The following PEBP4 variants were observed in gnomAD, a reference collection of about 807,000 sequenced individuals.
PEBP4 encodes the protein phosphatidylethanolamine binding protein 4, also known as phosphatidylethanolamine-binding protein 4.
In PEBP4, 22 loss-of-function variants were observed where a neutral mutation model predicts 23.9. The ratio of observed to expected loss-of-function variants is 0.92; its 90% CI spans 0.66 to 1.31. The LOEUF is 1.31. PEBP4 is among the 40% of genes most tolerant of loss of function. The pLI, the probability that PEBP4 is intolerant of heterozygous loss-of-function variation, is 0.00. For synonymous variants in PEBP4, 112 were observed against 99.3 expected, an observed-to-expected ratio of 1.13 and a Z score of -0.76; for missense variants, 324 against 281.7, an observed-to-expected ratio of 1.15 and a Z score of -1.07.
At chr8:22,807,859 C>A (rs1285317508) in intron 4 of PEBP4, among the ~76,000 whole-genome samples, 1 of 146,568 alleles carries the variant, frequency 6.8e-6, no homozygotes, top group African/African-American at 2.5e-5. Flanking sequence ...CACCCACCCA[C>A]CTACCCAACC....
chr8:22,909,825 G>C (rs764314270), intron 3 of PEBP4, among the ~76,000 whole-genome samples: 31 of 152,216 alleles, frequency 2.0e-4, no homozygotes, highest in Non-Finnish European at 3.8e-4. Flanking sequence ...TGGCTGCAAG[G>C]CTTAAGTCTG....
chr8:22,793,413 T>C (rs142324077), intron 4 of PEBP4, among the ~76,000 whole-genome samples: 2,219 of 150,230 alleles, frequency 0.015, 50 homozygotes, highest in African/African-American at 0.052. Flanking sequence ...ATTACAGGCA[T>C]GCACCACCAC....
intron 3 of PEBP4, among the ~76,000 whole-genome samples, chr8:22,844,237 T>C (rs1490654237): frequency 6.6e-6 from 1 of 152,010 alleles, no homozygotes; most frequent in Non-Finnish European, 1.5e-5. Context: ...GGTTAGAAAA[T>C]TTATTTATTT....
At chr8:22,852,301 C>T (rs1185897614) in intron 3 of PEBP4, among the ~76,000 whole-genome samples, 1 of 152,168 alleles carries the variant, frequency 6.6e-6, no homozygotes, top group Non-Finnish European at 1.5e-5. Context: ...GTTTCTTGTT[C>T]TTCTTTTTTT....
At chr8:22,912,994 G>T (rs1048147399) in intron 3 of PEBP4, among the ~76,000 whole-genome samples, 1 of 152,180 alleles carries the variant, frequency 6.6e-6, no homozygotes, top group Non-Finnish European at 1.5e-5. Context: ...CTCTGCCTCT[G>T]GGCCTCAAAC....
rs190543196 is a variant in PEBP4, at chr8:22,782,210, A to T, written c.357+35427T>A. Among the ~76,000 whole-genome samples the T allele has an allele frequency of 2.4e-4, 36 of 151,458 alleles. No individual in the cohort carries two copies. The East Asian group carries it at 4.1e-3, about 17-fold the overall frequency. ...ACAGAGACCAGATGGGCCCTAATACACTCCCCTTTAAAAGGCCACAATGTT... is the reference window on the plus strand; with the variant it reads ...ACAGAGACCAGATGGGCCCTAATACTCTCCCCTTTAAAAGGCCACAATGTT... On this transcript the variant is annotated intron_variant, in intron 4 of 6. Transcript: ENST00000256404.
At chr8:22,744,361 C>G (rs1187190992) in intron 4 of PEBP4, among the ~76,000 whole-genome samples, 1 of 152,182 alleles carries the variant, frequency 6.6e-6, no homozygotes, top group Non-Finnish European at 1.5e-5. Context: ...TAACTGTGGT[C>G]TTCCGGTCAG....
chr8:22,835,860 C>T (rs187987343), intron 3 of PEBP4, among the ~76,000 whole-genome samples: 113 of 152,324 alleles, frequency 7.4e-4, no homozygotes, highest in Non-Finnish European at 1.2e-3. Flanking sequence ...TTTCAATGAC[C>T]GGCTCTTCAG....
At chr8:22,763,194 A>G (rs574832880) in intron 4 of PEBP4, among the ~76,000 whole-genome samples, 116 of 152,156 alleles carry the variant, frequency 7.6e-4, no homozygotes, top group African/African-American at 2.6e-3. Context: ...TAGTAGAGAC[A>G]GGGTTTTGCC....
At chr8:22,732,637 TGTG>T (rs1563197634) in intron 4 of PEBP4, among the ~76,000 whole-genome samples, 1,236 of 19,410 alleles carry the variant, frequency 0.064, 16 homozygotes, top group African/African-American at 0.093. Flanking sequence ...GCCCCATTTG[TGTG>T]TGTGTGTGTG....
At chr8:22,825,872 G>C (rs1214219887) in intron 3 of PEBP4, among the ~76,000 whole-genome samples, 1 of 152,228 alleles carries the variant, frequency 6.6e-6, no homozygotes, top group Non-Finnish European at 1.5e-5. Context: ...AGGAAATACT[G>C]TAGTTGGTGA....
chr8:22,817,550 C>T, intron 4 of PEBP4, 87 bp downstream of exon 4: 2 of 1,271,904 alleles, frequency 1.6e-6, no homozygotes, highest in Non-Finnish European at 2.3e-6. Flanking sequence ...CTCCAACCTT[C>T]CTGGATGAGA....
rs144592697 is a variant in PEBP4 at position 22,791,971 on chromosome 8, C to T, written c.357+25666G>A. ...TCCTAGACTCAAGTGATCCTCCTGC[C>T]TCAGCCTCTAGAGTAGCTGGGACTA... is the stretch of plus-strand genomic sequence containing the variant. On this transcript the variant is annotated intron_variant, in intron 4 of 6. Coordinates refer to ENST00000256404, the MANE Select transcript of PEBP4 (RefSeq NM_144962.3). Among the ~76,000 whole-genome samples the T allele has an allele frequency of 6.6e-3, 1,008 of 152,096 alleles. 13 individuals carry two copies. Among genetic ancestry groups the T allele is most frequent in the African/African-American group, 0.023 (937 of 41,486 alleles).
chr8:22,728,344 C>T (rs1489120055), intron 4 of PEBP4, among the ~76,000 whole-genome samples: 2 of 152,170 alleles, frequency 1.3e-5, no homozygotes, highest in African/African-American at 2.4e-5. Flanking sequence ...CACTTTGGGC[C>T]TCTTGGTCAG....
intron 4 of PEBP4, among the ~76,000 whole-genome samples, chr8:22,799,594 T>C (rs1806338297): frequency 6.6e-6 from 1 of 152,274 alleles, no homozygotes; most frequent in Non-Finnish European, 1.5e-5. Context: ...AGGATACATG[T>C]GCACAACGTG....
At chr8:22,850,119 A>AC (rs1332170802) in intron 3 of PEBP4, among the ~76,000 whole-genome samples, 1 of 152,074 alleles carries the variant, frequency 6.6e-6, no homozygotes, top group Non-Finnish European at 1.5e-5. Context: ...TTTAAGAAAA[A>AC]AAAAAAAAAT....
At chr8:22,824,101 C>T (rs1806918009) in intron 3 of PEBP4, among the ~76,000 whole-genome samples, 1 of 152,110 alleles carries the variant, frequency 6.6e-6, no homozygotes, top group South Asian at 2.1e-4. Flanking sequence ...GTACATGACT[C>T]TATGGAGAGA....
intron 3 of PEBP4, among the ~76,000 whole-genome samples, chr8:22,872,705 C>T (rs1382855090): frequency 6.6e-6 from 1 of 151,946 alleles, no homozygotes; most frequent in African/African-American, 2.4e-5. Context: ...GAGACAGAGT[C>T]TTGCTCTGTC....
rs1808952693 is a variant in PEBP4, at chr8:22,912,193, C to T, written c.258+7991G>A. 2.0e-5 allele frequency among the ~76,000 whole-genome samples: 3 copies of T among 152,132 alleles called. No individual in the cohort carries two copies. In the South Asian group the frequency reaches 6.2e-4, roughly 32 times the overall value. On this transcript the variant is annotated intron_variant, in intron 3 of 6. Coordinates refer to ENST00000256404, the MANE Select transcript of PEBP4 (RefSeq NM_144962.3). ...GAGCCACCCTGAGTAAGACAGTCGC[C>T]GGAGCACGTGGCCGTTCTGTTAAGG...
Sources: gnomAD v4.1 joint callset for allele counts (sites outside exome capture counted in the v4.1 genomes callset) on GRCh38, gnomAD v4.1.1 for gene constraint, MANE v1.5 for transcripts, NCBI Gene and HGNC (gene_info 2026-07-23, HGNC 2026-07-21) for gene names.